The following FAF1 variants were observed in gnomAD, a reference collection of about 807,000 sequenced individuals.
The protein encoded by FAF1 is FAS-associated factor 1.
FAF1 carries 25 observed loss-of-function variants against 92.5 expected under a neutral mutation model. The observed-to-expected ratio is 0.27, with a 90% CI of 0.20 to 0.38. The LOEUF (loss-of-function observed/expected upper bound fraction) is 0.38. Among genes scored for constraint, FAF1 ranks in the 10% least tolerant of loss-of-function variants. FAF1 has a pLI of 1.00. For synonymous variants in FAF1, 234 were observed against 273.2 expected, an observed-to-expected ratio of 0.86 and a Z score of 1.42; for missense variants, 636 against 793.3, an observed-to-expected ratio of 0.80 and a Z score of 2.38.
intron 1 of FAF1, among the ~76,000 whole-genome samples, chr1:50,951,960 C>G (rs1645217263): frequency 6.6e-6 from 1 of 152,206 alleles, no homozygotes; most frequent in South Asian, 2.1e-4. Flanking sequence ...CGGACAGAAA[C>G]TACTTATGTG....
chr1:50,649,460 T>TA (rs1489578504), intron 8 of FAF1, among the ~76,000 whole-genome samples: 1 of 152,144 alleles, frequency 6.6e-6, no homozygotes, highest in African/African-American at 2.4e-5. Context: ...CTTTTTATTT[T>TA]ATATAAAAGC....
At chr1:50,842,512 A>G (rs1644264151) in intron 2 of FAF1, among the ~76,000 whole-genome samples, 1 of 152,118 alleles carries the variant, frequency 6.6e-6, no homozygotes, top group African/African-American at 2.4e-5. Flanking sequence ...TGCCACACAC[A>G]AAATTCTTGT....
chr1:50,708,100 G>A (rs945326669), intron 6 of FAF1, among the ~76,000 whole-genome samples: 1 of 152,170 alleles, frequency 6.6e-6, no homozygotes, highest in Non-Finnish European at 1.5e-5. Flanking sequence ...GAGCCACAGC[G>A]CCCGGCCCGC....
chr1:50,676,039 C>G (rs899992535), intron 7 of FAF1, among the ~76,000 whole-genome samples: 1 of 152,138 alleles, frequency 6.6e-6, no homozygotes, highest in East Asian at 1.9e-4. Flanking sequence ...GGGTCTTTTT[C>G]CTAACATTTC....
intron 8 of FAF1, among the ~76,000 whole-genome samples, chr1:50,651,684 T>C (rs1654871848): frequency 6.6e-6 from 1 of 152,216 alleles, no homozygotes; most frequent in Non-Finnish European, 1.5e-5. Context: ...ATATTTTTGT[T>C]GGTAACACAT....
chr1:50,536,551 C>T (rs1330270790), intron 14 of FAF1, among the ~76,000 whole-genome samples: 6 of 152,134 alleles, frequency 3.9e-5, no homozygotes, highest in African/African-American at 1.4e-4. Context: ...TGACCATTGG[C>T]AGCATGGGTT....
intron 6 of FAF1, among the ~76,000 whole-genome samples, chr1:50,728,636 C>T (rs564902218): frequency 1.4e-3 from 217 of 151,550 alleles, no homozygotes; most frequent in African/African-American, 4.7e-3. Flanking sequence ...ACTAAAAATA[C>T]AAAAAATAGC....
chr1:50,879,096 C>T (rs1342882865), intron 1 of FAF1, among the ~76,000 whole-genome samples: 1 of 152,080 alleles, frequency 6.6e-6, no homozygotes, highest in Non-Finnish European at 1.5e-5. Context: ...AAATACAAAA[C>T]TTAGCCGGGT....
intron 6 of FAF1, among the ~76,000 whole-genome samples, chr1:50,735,721 T>C (rs1353662264): frequency 6.6e-6 from 1 of 152,140 alleles, no homozygotes; most frequent in East Asian, 1.9e-4. Flanking sequence ...TTTTATTTTA[T>C]TTATTTTATT....
At chr1:50,671,538 T>C (rs374554882) in intron 7 of FAF1, among the ~76,000 whole-genome samples, 1 of 152,160 alleles carries the variant, frequency 6.6e-6, no homozygotes. Flanking sequence ...GTTACTGTAA[T>C]AGATAATGTT....
intron 2 of FAF1, among the ~76,000 whole-genome samples, chr1:50,838,680 C>G (rs1644232184): frequency 6.6e-6 from 1 of 151,428 alleles, no homozygotes; most frequent in Admixed American, 6.6e-5. Context: ...CTGGGTTTTG[C>G]AAATATAAAC....
At chr1:50,663,413 C>CA (rs1227472945) in intron 7 of FAF1, among the ~76,000 whole-genome samples, 1 of 144,232 alleles carries the variant, frequency 6.9e-6, no homozygotes, top group East Asian at 2.0e-4. Context: ...ATTTTAATTT[C>CA]AATTTTTTTT....
At chr1:50,959,513 C>CTACACATTACAATTCT (rs1315893660) in intron 1 of FAF1, among the ~76,000 whole-genome samples, 1 of 152,188 alleles carries the variant, frequency 6.6e-6, no homozygotes, top group East Asian at 1.9e-4. Flanking sequence ...ACACATTCCA[C>CTACACATTACAATTCT]ACACATTGTA....
intron 8 of FAF1, among the ~76,000 whole-genome samples, chr1:50,601,118 C>G (rs536498821): frequency 3.4e-5 from 4 of 117,522 alleles, no homozygotes; most frequent in African/African-American, 1.5e-4. Flanking sequence ...GACAAAAAAG[C>G]TCTTTCAAAA....
At chr1:50,461,427 G>A (rs1011907922) in intron 18 of FAF1, 5 of 152,134 alleles carry the variant, frequency 3.3e-5, no homozygotes, top group African/African-American at 1.2e-4. Flanking sequence ...GTGTATACCT[G>A]TCATTCTTCA....
intron 1 of FAF1, among the ~76,000 whole-genome samples, chr1:50,954,123 T>G (rs924713270): frequency 6.6e-6 from 1 of 151,800 alleles, no homozygotes; most frequent in African/African-American, 2.4e-5. Flanking sequence ...TAATTTTTTG[T>G]TTTTTAGTAG....
intron 1 of FAF1, among the ~76,000 whole-genome samples, chr1:50,958,082 G>A (rs979451943): frequency 2.0e-5 from 3 of 152,162 alleles, no homozygotes; most frequent in Admixed American, 2.0e-4. Flanking sequence ...GATCACTTGA[G>A]CCCAGGAGTT....
intron 2 of FAF1, among the ~76,000 whole-genome samples, chr1:50,847,321 T>G (rs1208277078): frequency 4.6e-5 from 7 of 150,562 alleles, no homozygotes. Flanking sequence ...AAATTTTAGA[T>G]GACTATGATT....
intron 13 of FAF1, among the ~76,000 whole-genome samples, chr1:50,564,814 A>G (rs184958082): frequency 9.9e-5 from 15 of 152,278 alleles, no homozygotes; most frequent in African/African-American, 3.6e-4. Context: ...ATTATCTTAC[A>G]GTTTCATATG....
Sources: allele counts gnomAD v4.1 joint callset (sites outside exome capture counted in the v4.1 genomes callset), GRCh38; gene constraint gnomAD v4.1.1; transcripts MANE v1.5; gene names NCBI Gene and HGNC (gene_info 2026-07-23, HGNC 2026-07-21).